Variants in HMCN1 observed in about 807,000 individuals in gnomAD.
HMCN1 encodes hemicentin-1.
A neutral mutation model predicts 625.9 loss-of-function variants in HMCN1; 321 were observed. The ratio of observed to expected loss-of-function variants is 0.51; its 90% confidence interval spans 0.47 to 0.56. HMCN1 has a LOEUF of 0.56. Among genes scored for constraint, HMCN1 ranks in the 20% least tolerant of loss-of-function variants. The probability of loss-of-function intolerance (pLI) is 0.00; values close to 1 mark genes in which losing one functional copy is unlikely to be tolerated. For missense variants in HMCN1, 6,588 were observed against 6,887.3 expected, an observed-to-expected ratio of 0.96 and a Z score of 1.54; for synonymous variants, 2,425 against 2,417.6, an observed-to-expected ratio of 1.00 and a Z score of -0.09.
chr1:185,942,395 A>G (rs1292582222), intron 11 of HMCN1, among the ~76,000 whole-genome samples: 1 of 152,114 alleles, frequency 6.6e-6, no homozygotes, highest in Non-Finnish European at 1.5e-5. Flanking sequence ...GGTGTTGGAG[A>G]GGTTAAATGA....
chr1:186,139,166 A>G (rs1156495208), intron 89 of HMCN1, among the ~76,000 whole-genome samples: 1 of 152,208 alleles, frequency 6.6e-6, no homozygotes, highest in Non-Finnish European at 1.5e-5. Flanking sequence ...GATTTAGAAA[A>G]TAATGTGCAG....
chr1:185,875,454 T>C (rs936760098), intron 4 of HMCN1, among the ~76,000 whole-genome samples: 1 of 152,098 alleles, frequency 6.6e-6, no homozygotes, highest in Non-Finnish European at 1.5e-5. Context: ...GTCTCCCCTG[T>C]CCAGAAGCAA....
chr1:185,975,818 A>C (rs1313739294), intron 15 of HMCN1, among the ~76,000 whole-genome samples: 1 of 152,074 alleles, frequency 6.6e-6, no homozygotes, highest in African/African-American at 2.4e-5. Flanking sequence ...AATAAATAAG[A>C]GGGCTCTGAA....
chr1:185,819,636 TC>T (rs1243297593), intron 1 of HMCN1, among the ~76,000 whole-genome samples: 2 of 152,206 alleles, frequency 1.3e-5, no homozygotes, highest in Non-Finnish European at 2.9e-5. Flanking sequence ...ACAGTAGTTT[TC>T]TTATAACTCC....
chr1:185,953,745 C>T (rs922177611), intron 11 of HMCN1, among the ~76,000 whole-genome samples: 3 of 151,696 alleles, frequency 2.0e-5, no homozygotes, highest in Non-Finnish European at 2.9e-5. Context: ...TCCCCCGATC[C>T]GAGTCACGGC....
chr1:186,017,393 T>C (rs1387851277), intron 33 of HMCN1, among the ~76,000 whole-genome samples: 1 of 152,038 alleles, frequency 6.6e-6, no homozygotes, highest in African/African-American at 2.4e-5. Flanking sequence ...TTTCCTGAGG[T>C]ACTGAAATGT....
At chr1:185,954,401 T>C (rs1442723667) in intron 11 of HMCN1, among the ~76,000 whole-genome samples, 1 of 152,124 alleles carries the variant, frequency 6.6e-6, no homozygotes, top group African/African-American at 2.4e-5. Flanking sequence ...CAATGGAGTA[T>C]CTTTCTTCTC....
At chr1:186,003,913 A>AT in intron 29 of HMCN1, 69 bp downstream of exon 29, 1 of 1,430,026 alleles carries the variant, frequency 7.0e-7, no homozygotes, top group South Asian at 1.2e-5. Context: ...ATGCATGTGG[A>AT]TTTTCTCCCT....
intron 1 of HMCN1, among the ~76,000 whole-genome samples, chr1:185,804,515 T>G (rs16824516): frequency 0.35 from 52,595 of 151,902 alleles, 10,485 homozygotes; most frequent in African/African-American, 0.54. Flanking sequence ...GATCTCAGGA[T>G]TGATCATGGA....
intron 1 of HMCN1, among the ~76,000 whole-genome samples, chr1:185,829,141 G>T (rs1289672652): frequency 6.6e-6 from 1 of 152,040 alleles, no homozygotes; most frequent in Non-Finnish European, 1.5e-5. Flanking sequence ...TAAACTCAAG[G>T]TGAACAATTT....
At chr1:185,903,100 G>A (rs1665907073) in intron 4 of HMCN1, among the ~76,000 whole-genome samples, 1 of 151,826 alleles carries the variant, frequency 6.6e-6, no homozygotes, top group African/African-American at 2.4e-5. Context: ...TCTCTCATTT[G>A]TAACACACTG....
intron 25 of HMCN1, 35 bp downstream of exon 25, chr1:185,997,559 A>G (rs1652887233): frequency 7.2e-7 from 1 of 1,397,036 alleles, no homozygotes; most frequent in Non-Finnish European, 1.0e-6. Context: ...CATTGGCATA[A>G]TGTTATATGG....
At chr1:185,823,644 T>C (rs1487802490) in intron 1 of HMCN1, among the ~76,000 whole-genome samples, 1 of 152,138 alleles carries the variant, frequency 6.6e-6, no homozygotes, top group Non-Finnish European at 1.5e-5. Flanking sequence ...TCAGCTCCAC[T>C]GAGCTGTTCA....
chr1:186,063,060 G>A (rs1272363049), intron 48 of HMCN1, among the ~76,000 whole-genome samples: 52 of 76,434 alleles, frequency 6.8e-4, no homozygotes, highest in African/African-American at 3.2e-3. Flanking sequence ...GTGTGTGTGT[G>A]TGTGTGCATA....
At chr1:185,803,205 C>CAAAAAAAAAAAAAAAAAAAAAAAAA in intron 1 of HMCN1, among the ~76,000 whole-genome samples, 56 of 58,754 alleles carry the variant, frequency 9.5e-4, no homozygotes, top group East Asian at 5.2e-3. Context: ...AAAAAAAAAG[C>CAAAAAAAAAAAAAAAAAAAAAAAAA]AAAAAAAAAA....
chr1:185,981,373 T>C (rs549693965), intron 17 of HMCN1, among the ~76,000 whole-genome samples: 2 of 152,160 alleles, frequency 1.3e-5, no homozygotes, highest in Non-Finnish European at 2.9e-5. Context: ...TCTTTTCTGA[T>C]TCCTTTTTTA....
Position 186,115,294 on chromosome 1 carries a change from C to A in HMCN1, c.11441C>A (p.Thr3814Asn). The A allele has an allele frequency of 6.2e-7, 1 of 1,614,016 alleles. No individual in the cohort carries two copies. The highest frequency in any genetic ancestry group is 2.2e-5 in the East Asian group (1 of 44,858). ...PSIAPGPTNM[T>N]VIVNVQTTLA... ...ATTGCTCCGGGTCCTACCAACATGA[C>A]TGTAATAGTAAATGTTCAAACTACT... The change falls in exon 75 of 107, where the codon ACT (threonine) becomes AAT (asparagine). Residue 3814 changes from threonine (T) to asparagine (N), a missense_variant. Physicochemically the swap from Thr to Asn is moderately conservative, Grantham distance 65. Coordinates refer to ENST00000271588, the MANE Select transcript of HMCN1 (RefSeq NM_031935.3).
chr1:185,862,126 T>TA (rs1175684248), intron 2 of HMCN1, among the ~76,000 whole-genome samples: 5 of 152,024 alleles, frequency 3.3e-5, no homozygotes, highest in Middle Eastern at 3.4e-3. Context: ...AAAAATTCTA[T>TA]AAAAAAAGAA....
intron 11 of HMCN1, among the ~76,000 whole-genome samples, chr1:185,952,977 G>A (rs545816111): frequency 7.3e-5 from 11 of 151,088 alleles, no homozygotes; most frequent in Non-Finnish European, 1.5e-4. Flanking sequence ...AGGGATTGGG[G>A]CACAGGGATA....
Sources: allele counts gnomAD v4.1 joint callset (sites outside exome capture counted in the v4.1 genomes callset), GRCh38; gene constraint gnomAD v4.1.1; transcripts MANE v1.5; gene names NCBI Gene and HGNC (gene_info 2026-07-23, HGNC 2026-07-21).